The following SYN2 variants were observed in gnomAD, a reference collection of about 807,000 sequenced individuals.
The protein encoded by SYN2 is synapsin-2.
In SYN2, 19 loss-of-function variants were observed where a neutral mutation model predicts 50.9. That is an observed-to-expected ratio of 0.37 (90% CI 0.26 to 0.55). The LOEUF is 0.55. Among genes scored for constraint, SYN2 ranks in the 20% least tolerant of loss-of-function variants. The pLI is 0.81. For synonymous variants in SYN2, 255 were observed against 224.9 expected (o/e 1.13, Z -1.20); for missense variants, 587 against 576.4 (o/e 1.02, Z -0.19).
At chr3:12,094,097 C>A (rs928490639) in intron 1 of SYN2, among the ~76,000 whole-genome samples, 5 of 152,082 alleles carry the variant, frequency 3.3e-5, no homozygotes, top group African/African-American at 1.2e-4. Flanking sequence ...TCAGGTGATC[C>A]GCCCACCTCA....
At chr3:12,075,192 A>G (rs1467376875) in intron 1 of SYN2, among the ~76,000 whole-genome samples, 1 of 152,090 alleles carries the variant, frequency 6.6e-6, no homozygotes, top group Non-Finnish European at 1.5e-5. Flanking sequence ...GTTCTTAAAG[A>G]TATGGTTGAT....
chr3:12,118,837 AGAAGT>A (rs1273716385), intron 1 of SYN2, among the ~76,000 whole-genome samples: 1 of 152,176 alleles, frequency 6.6e-6, no homozygotes, highest in Admixed American at 6.5e-5. Context: ...AAAAAACAAA[AGAAGT>A]GAAAGGATAC....
intron 1 of SYN2, among the ~76,000 whole-genome samples, chr3:12,052,003 T>A (rs1473600448): frequency 6.6e-6 from 1 of 152,244 alleles, no homozygotes; most frequent in Non-Finnish European, 1.5e-5. Flanking sequence ...TTATTTTGTA[T>A]TTTTTAATGA....
chr3:12,012,074 TG>T (rs1229941601), intron 1 of SYN2, among the ~76,000 whole-genome samples: 23 of 152,202 alleles, frequency 1.5e-4, no homozygotes, highest in Non-Finnish European at 2.9e-5. Context: ...ATCTTCTTTT[TG>T]TTGTTGTTAT....
intron 1 of SYN2, among the ~76,000 whole-genome samples, chr3:12,061,378 C>T (rs1695109377): frequency 6.6e-6 from 1 of 151,974 alleles, no homozygotes; most frequent in Non-Finnish European, 1.5e-5. Context: ...ACATTCTCAG[C>T]AAACTAGGCA....
intron 1 of SYN2, among the ~76,000 whole-genome samples, chr3:12,080,546 A>G (rs1347411802): frequency 6.6e-6 from 1 of 151,904 alleles, no homozygotes. Context: ...TTTCTGCCTT[A>G]ATTTTATTAT....
chr3:12,129,853 T>C (rs1696754899), intron 1 of SYN2, among the ~76,000 whole-genome samples: 1 of 152,088 alleles, frequency 6.6e-6, no homozygotes, highest in Non-Finnish European at 1.5e-5. Context: ...ATGATGGTAT[T>C]TGGAGGTGGG....
chr3:12,127,048 A>G (rs1696685513), intron 1 of SYN2, among the ~76,000 whole-genome samples: 1 of 152,202 alleles, frequency 6.6e-6, no homozygotes, highest in Non-Finnish European at 1.5e-5. Flanking sequence ...GAATTACAAT[A>G]TTTTGAAAGG....
intron 10 of SYN2, among the ~76,000 whole-genome samples, chr3:12,179,929 A>G (rs310761): frequency 0.93 from 141,331 of 152,216 alleles, 65,661 homozygotes; most frequent in East Asian, 1. Context: ...GTAAACCCAA[A>G]GTTGGTTGGG....
In SYN2 at chr3:12,162,083, T is replaced by C. The variant is rs1271580806; in HGVS notation, c.909T>C (p.Thr303=). 1.2e-6 allele frequency: 2 copies of C among 1,614,124 alleles called. No homozygotes were observed. The highest frequency in any genetic ancestry group is 3.3e-5 in the Admixed American group (2 of 60,032). The part of the protein sequence containing the change: ...SVVALTQTYA[T]AEPFIDSKYD... ...TGGCTCTCACCCAGACCTATGCCACTGCAGAGCCTTTCATTGACTCCAAGT... is the reference window on the plus strand; with the variant it reads ...TGGCTCTCACCCAGACCTATGCCACCGCAGAGCCTTTCATTGACTCCAAGT... Residue 303 remains threonine, a synonymous_variant, in exon 7 of 13, where the codon ACT becomes ACC. Coordinates refer to ENST00000621198, the MANE Select transcript of SYN2 (RefSeq NM_133625.6).
At position 12,143,267 on chromosome 3, in the gene SYN2, A is replaced by T. The variant is rs181658498; in HGVS notation, c.527+1271A>T. 2.2e-4 allele frequency among the ~76,000 whole-genome samples: 34 copies of T among 152,302 alleles called. 1 individual carries two copies. Among genetic ancestry groups the T allele is most frequent in the Admixed American group, 3.9e-4 (6 of 15,308 alleles). On this transcript the variant is annotated intron_variant, in intron 3 of 12. Coordinates refer to ENST00000621198, the MANE Select transcript of SYN2 (RefSeq NM_133625.6). ...GACACAAGAAGGTCAGAGCAGCTCTAACAGATGCCATATTTCTGTTTGTTT... is the reference window on the plus strand; with the variant it reads ...GACACAAGAAGGTCAGAGCAGCTCTTACAGATGCCATATTTCTGTTTGTTT...
intron 5 of SYN2, among the ~76,000 whole-genome samples, chr3:12,160,722 G>A (rs1387384382): frequency 2.0e-5 from 3 of 152,216 alleles, no homozygotes; most frequent in African/African-American, 4.8e-5. Context: ...GTCCGTGGCA[G>A]AAGAGGACTA....
intron 1 of SYN2, among the ~76,000 whole-genome samples, chr3:12,043,049 A>G (rs1004800105): frequency 3.4e-5 from 5 of 145,962 alleles, no homozygotes; most frequent in African/African-American, 1.0e-4. Context: ...GTGAGACAGC[A>G]TCTTGCTCTG....
chr3:12,016,017 C>A (rs1262898763), intron 1 of SYN2, among the ~76,000 whole-genome samples: 9 of 152,196 alleles, frequency 5.9e-5, no homozygotes, highest in Non-Finnish European at 1.0e-4. Flanking sequence ...AAATTGAGAT[C>A]CCCTTTCTCT....
At chr3:12,111,626 C>T (rs1696318095) in intron 1 of SYN2, among the ~76,000 whole-genome samples, 1 of 152,124 alleles carries the variant, frequency 6.6e-6, no homozygotes, top group Non-Finnish European at 1.5e-5. Context: ...CTTTTTAGAC[C>T]TTCCTCTATA....
At chr3:12,105,437 A>G (rs948323396) in intron 1 of SYN2, among the ~76,000 whole-genome samples, 1 of 149,188 alleles carries the variant, frequency 6.7e-6, no homozygotes, top group Non-Finnish European at 1.5e-5. Flanking sequence ...ATGATGGAAT[A>G]GGAAGAAAAG....
Position 12,188,270 on chromosome 3 carries a change from G to GC in SYN2, c.1613+662dup, listed in dbSNP as rs1221290952. 9.2e-5 allele frequency among the ~76,000 whole-genome samples: 14 copies of GC among 152,318 alleles called. No individual in the cohort carries two copies. The East Asian group carries it at 2.7e-3, about 29-fold the overall frequency. Reference sequence around the variant, plus strand: ...TCAACCCTAGAAGCCCCTCCACACTGCCCCACTGCACAGACCCCTGCAAGC... The same window carrying GC: ...TCAACCCTAGAAGCCCCTCCACACTGCCCCCACTGCACAGACCCCTGCAAGC... On this transcript the variant is annotated intron_variant, in intron 12 of 12. Transcript: ENST00000621198.
chr3:12,182,464 G>C (rs977284714), intron 10 of SYN2, among the ~76,000 whole-genome samples: 3 of 152,186 alleles, frequency 2.0e-5, no homozygotes, highest in Admixed American at 6.5e-5. Context: ...AGTCGCACAG[G>C]TCTTTAATCC....
chr3:12,088,663 AAAC>A (rs1280365888), intron 1 of SYN2, among the ~76,000 whole-genome samples: 2 of 11,110 alleles, frequency 1.8e-4, no homozygotes, highest in African/African-American at 2.4e-4. Flanking sequence ...ATGGACGGAT[AAAC>A]AAAAATGTAG....
Sources: allele counts gnomAD v4.1 joint callset (sites outside exome capture counted in the v4.1 genomes callset), GRCh38; gene constraint gnomAD v4.1.1; transcripts MANE v1.5; gene names NCBI Gene and HGNC (gene_info 2026-07-23, HGNC 2026-07-21).